The following ASS1 variants were observed in gnomAD, a reference collection of about 807,000 sequenced individuals.
The protein encoded by ASS1 is argininosuccinate synthase 1, also known as argininosuccinate synthase.
ASS1 carries 58 observed loss-of-function variants against 60.5 expected under a neutral mutation model. That is an observed-to-expected ratio of 0.96 (90% confidence interval 0.78 to 1.19). The LOEUF is 1.19. ASS1 is among the 50% of genes most tolerant of loss of function. The pLI, the probability that ASS1 is intolerant of heterozygous loss-of-function variation, is 0.00. For missense variants in ASS1, 454 were observed against 547.3 expected, an observed-to-expected ratio of 0.83 and a Z score of 1.70; for synonymous variants, 200 against 206.9, an observed-to-expected ratio of 0.97 and a Z score of 0.29.
intron 4 of ASS1, among the ~76,000 whole-genome samples, chr9:130,461,566 G>A (rs915748917): frequency 3.3e-5 from 5 of 152,342 alleles, no homozygotes; most frequent in African/African-American, 9.6e-5. Context: ...ATGCCGGGGA[G>A]TAGGTGCTAC....
intron 1 of ASS1, among the ~76,000 whole-genome samples, chr9:130,451,044 C>T (rs1200719248): frequency 2.6e-5 from 4 of 152,208 alleles, no homozygotes; most frequent in East Asian, 1.9e-4. Context: ...CAGGTGACCT[C>T]GTCTCCCTAA....
chr9:130,464,191 G>T (rs374139583), intron 5 of ASS1, 24 bp downstream of exon 5: 8 of 1,612,288 alleles, frequency 5.0e-6, no homozygotes, highest in Non-Finnish European at 6.8e-6. Flanking sequence ...CCTCCCCTTA[G>T]CAGGGAGCAC....
At chr9:130,493,261 C>G (rs1261714048) in intron 12 of ASS1, among the ~76,000 whole-genome samples, 1 of 152,234 alleles carries the variant, frequency 6.6e-6, no homozygotes, top group African/African-American at 2.4e-5. Flanking sequence ...GGGCCTCTCT[C>G]CCTGTGTACA....
chr9:130,499,455 A>G, intron 13 of ASS1, 50 bp from the exon 14 acceptor site: 1 of 1,588,518 alleles, frequency 6.3e-7, no homozygotes, highest in Middle Eastern at 1.8e-4. Context: ...CCTCCCTTCA[A>G]GCAGAGGCCA....
At chr9:130,480,043 G>C (rs1038938663) in intron 10 of ASS1, 6 of 692,378 alleles carry the variant, frequency 8.7e-6, no homozygotes, top group Non-Finnish European at 1.6e-5. Context: ...GGATCATTAG[G>C]CCGGGGCTCT....
Position 130,494,899 on chromosome 9 carries a change from C to T in ASS1, c.1003C>T (p.Arg335Cys), listed in dbSNP as rs373514077. 153 of 1,613,382 alleles carry T rather than the reference C, an allele frequency of 9.5e-5. No homozygotes were observed. The highest frequency in any genetic ancestry group is 5.7e-4 in the South Asian group (52 of 91,036). Residue 335 changes from arginine to cysteine, a missense_variant, in exon 13 of 15, where the codon CGC (arginine) becomes TGC (cysteine). Coordinates refer to ENST00000352480, the MANE Select transcript of ASS1 (RefSeq NM_054012.4). This position sits in a 1 kb window ranked among gnomAD's most constrained non-coding sequence, Gnocchi z 4.3. ...FWHSPECEFV[R>C]HCIAKSQERV... ...GCACAGCCCTGAGTGTGAATTTGTC[C>T]GCCACTGCATCGCCAAGTCCCAGGA... is the stretch of plus-strand genomic sequence containing the variant.
In ASS1 at chr9:130,471,473, T is replaced by C. The variant is rs773347177; in HGVS notation, c.567-12T>C. On this transcript the variant is annotated splice_polypyrimidine_tract_variant and intron_variant, in intron 7 of 14. Transcript: ENST00000352480. Reference sequence around the variant, plus strand: ...TCCCCAGCTGACCCTGTCTTTCCTTTCCCCTCCGCAGCTACGAGGCTGGAA... The same window carrying C: ...TCCCCAGCTGACCCTGTCTTTCCTTCCCCCTCCGCAGCTACGAGGCTGGAA... 4.3e-6 allele frequency: 7 copies of C among 1,613,956 alleles called. No individual in the cohort carries two copies. The highest frequency in any genetic ancestry group is 5.9e-6 in the Non-Finnish European group (7 of 1,179,924).
Position 130,476,586 on chromosome 9 carries a change from T to C in ASS1, c.598-285T>C. On this transcript the variant is annotated intron_variant, in intron 8 of 14. Transcript: ENST00000352480. The surrounding 1 kb of genome is among the most constrained non-coding windows in gnomAD (Gnocchi z 4.9). ...AAGTCACACTTTTTCCTGCCTGACT[T>C]GTTCCTCTCCAGCTATTCTACCTCC... The C allele has an allele frequency of 1.8e-6, 1 of 544,616 alleles. No homozygotes were observed. Among genetic ancestry groups the C allele is most frequent in the Non-Finnish European group, 3.3e-6 (1 of 301,242 alleles). 33.7% of individuals were successfully genotyped at this position (544,616 alleles called of 1,614,324 possible). A position where few individuals can be genotyped will look rare whatever the true frequency, so the allele number is the denominator to read the frequency against.
chr9:130,493,511 C>A (rs1020978525), intron 12 of ASS1, among the ~76,000 whole-genome samples: 1 of 152,158 alleles, frequency 6.6e-6, no homozygotes, highest in Non-Finnish European at 1.5e-5. Flanking sequence ...GGCCCTCCCC[C>A]GCCTCTGCAA....
At chr9:130,482,754 AAC>A (rs2118847987) in intron 11 of ASS1, among the ~76,000 whole-genome samples, 1 of 152,304 alleles carries the variant, frequency 6.6e-6, no homozygotes, top group Admixed American at 6.5e-5. Context: ...CCATGAGATC[AAC>A]AGTCTGTTCC....
intron 11 of ASS1, among the ~76,000 whole-genome samples, chr9:130,485,276 C>T (rs1395758721): frequency 1.3e-5 from 2 of 152,214 alleles, no homozygotes; most frequent in African/African-American, 4.8e-5. Context: ...ACGCTCTGAA[C>T]ACTTACCTTT....
chr9:130,480,345 G>T (rs774790459), intron 10 of ASS1, 40 bp from the exon 11 acceptor site: 1 of 1,613,392 alleles, frequency 6.2e-7, no homozygotes, highest in Non-Finnish European at 8.5e-7. Flanking sequence ...TCTGAGCCTT[G>T]CGGTAGCGCC....
At chr9:130,498,032 G>A (rs1429145817) in intron 13 of ASS1, among the ~76,000 whole-genome samples, 3 of 152,204 alleles carry the variant, frequency 2.0e-5, no homozygotes, top group Admixed American at 2.0e-4. Context: ...GGGACATCAA[G>A]GAGGTACAGG....
intron 1 of ASS1, among the ~76,000 whole-genome samples, chr9:130,451,029 C>T (rs1845312945): frequency 6.6e-6 from 1 of 152,218 alleles, no homozygotes; most frequent in African/African-American, 2.4e-5. Context: ...TCCGATGACC[C>T]TGGGCAGGTG....
rs59227343 is a variant in ASS1, at chr9:130,457,272, A to G, written c.175-1129A>G. Among the ~76,000 whole-genome samples the G allele has an allele frequency of 0.022, 3,414 of 152,172 alleles. 157 individuals are homozygous for G. The highest frequency in any genetic ancestry group is 0.077 in the African/African-American group (3,212 of 41,490). ...TGCCTTGTTTTATTGAAGTTTATGA[A>G]GAAAACTGGGCAACACAGTGAGATC... On this transcript the variant is annotated intron_variant, in intron 3 of 14. Coordinates refer to ENST00000352480, the MANE Select transcript of ASS1 (RefSeq NM_054012.4).
At chr9:130,471,650 G>A (rs1845868845) in intron 8 of ASS1, 135 bp downstream of exon 8, 2 of 1,092,226 alleles carry the variant, frequency 1.8e-6, no homozygotes, top group African/African-American at 1.5e-5. Flanking sequence ...GCCGAGCCCT[G>A]CCTGTGTTCC....
chr9:130,479,668 T>C lies in ASS1; in HGVS notation c.689-48T>C. ...GGGTGGGGTGGCGGGTGCAGACTCC[T>C]CCGCTGAGCCGGGCCCAGAGGCCCA... On this transcript the variant is annotated intron_variant, in intron 9 of 14. Coordinates refer to ENST00000352480, the MANE Select transcript of ASS1 (RefSeq NM_054012.4). 2.7e-6 allele frequency: 4 copies of C among 1,498,390 alleles called. No individual in the cohort carries two copies. In the Middle Eastern group the frequency reaches 5.1e-4, roughly 192 times the overall value. 92.8% of individuals were successfully genotyped at this position (1,498,390 alleles called of 1,614,324 possible). A position where few individuals can be genotyped will look rare whatever the true frequency, so the allele number is the denominator to read the frequency against.
intron 1 of ASS1, chr9:130,450,375 CCTT>C (rs1323856029): frequency 7.1e-6 from 7 of 979,436 alleles, no homozygotes; most frequent in African/African-American, 5.3e-5. Flanking sequence ...CTTCCTCCCT[CCTT>C]CCCTCCATCC....
rs376371866 is a variant in ASS1, at chr9:130,476,878, C to A, written c.605C>A (p.Ala202Glu). The change falls in exon 9 of 15, where the codon GCG becomes GAG. Residue 202 changes from alanine (A) to glutamate (E), a missense_variant. Physicochemically the swap from Ala to Glu is moderately radical, Grantham distance 107 (BLOSUM62 -1). Transcript: ENST00000352480. This position sits in a 1 kb window ranked among gnomAD's most constrained non-coding sequence, Gnocchi z 4.9. ...AGILENPKNQAPPGLYTKTQD... is the reference protein window; with the variant it reads ...AGILENPKNQEPPGLYTKTQD... The stretch of plus-strand genomic sequence containing the variant: ...CTTTCTGTCTTTTTTCAGAACCAAG[C>A]GCCTCCAGGTCTCTACACGAAGACC... The A allele has an allele frequency of 1.4e-5, 22 of 1,613,856 alleles. No individual in the cohort carries two copies. Among genetic ancestry groups the A allele is most frequent in the Non-Finnish European group, 1.8e-5 (21 of 1,179,944 alleles).
Sources: gnomAD v4.1 joint callset for allele counts (sites outside exome capture counted in the v4.1 genomes callset) on GRCh38, gnomAD v4.1.1 for gene constraint, Gnocchi (gnomAD v3.1) non-coding constraint, MANE v1.5 for transcripts, NCBI Gene and HGNC (gene_info 2026-07-23, HGNC 2026-07-21) for gene names.